Variants in TGM2 observed in about 807,000 individuals in gnomAD.
TGM2 encodes protein-glutamine gamma-glutamyltransferase 2.
A neutral mutation model predicts 75.6 loss-of-function variants in TGM2; 53 were observed. The ratio of observed to expected loss-of-function variants is 0.70; its 90% CI spans 0.56 to 0.88. TGM2 has a LOEUF of 0.88. TGM2 is among the 40% of genes least tolerant of loss of function. The pLI is 0.00. For synonymous variants in TGM2, 374 were observed against 381.1 expected (o/e 0.98, Z 0.22); for missense variants, 842 against 928.5 (o/e 0.91, Z 1.21).
chr20:38,164,378 AC>A (rs1300650807), intron 1 of TGM2, among the ~76,000 whole-genome samples: 2 of 152,152 alleles, frequency 1.3e-5, no homozygotes, highest in Admixed American at 1.3e-4. Flanking sequence ...TCCAGCAGTG[AC>A]ATCCTCCATT....
chr20:38,130,514 G>A, intron 12 of TGM2, 145 bp from the exon 13 acceptor site: 1 of 877,328 alleles, frequency 1.1e-6, no homozygotes, highest in Non-Finnish European at 1.7e-6. Context: ...TGCGGGGCCT[G>A]GACAATCTGC....
rs551595694 is a variant in TGM2, at chr20:38,151,782, A to G, written c.434-725T>C. Among the ~76,000 whole-genome samples the G allele has an allele frequency of 7.9e-5, 12 of 152,258 alleles. No homozygotes were observed. In the East Asian group the frequency reaches 2.3e-3, roughly 29 times the overall value. On this transcript the variant is annotated intron_variant, in intron 3 of 12. Coordinates refer to ENST00000361475, the MANE Select transcript of TGM2 (RefSeq NM_004613.4). ...TAAGTTTTAGAGAGTTGGAACCTGG[A>G]GGGTAGCATTCTAAGCAGAGGACCA...
intron 3 of TGM2, among the ~76,000 whole-genome samples, chr20:38,155,072 C>T (rs910186697): frequency 6.6e-6 from 1 of 152,170 alleles, no homozygotes; most frequent in Non-Finnish European, 1.5e-5. Flanking sequence ...TACCATTGCA[C>T]TCCAGCCCAG....
intron 2 of TGM2, among the ~76,000 whole-genome samples, chr20:38,161,058 G>A (rs570371816): frequency 1.3e-5 from 2 of 152,258 alleles, no homozygotes; most frequent in East Asian, 1.9e-4. Flanking sequence ...GCCCTCCTCA[G>A]CCTCCCAAAG....
chr20:38,165,089 T>C, intron 1 of TGM2, 100 bp downstream of exon 1: 1 of 1,578,650 alleles, frequency 6.3e-7, no homozygotes, highest in Non-Finnish European at 8.7e-7. Flanking sequence ...GTCTGCCTGT[T>C]GCTCTCCAAA....
At chr20:38,161,107 T>C (rs1415908250) in intron 2 of TGM2, among the ~76,000 whole-genome samples, 1 of 152,174 alleles carries the variant, frequency 6.6e-6, no homozygotes, top group Admixed American at 6.5e-5. Flanking sequence ...GCCCAGCCTG[T>C]GGATGGGATC....
Position 38,130,208 on chromosome 20 carries a change from G to A in TGM2, c.*11C>T, listed in dbSNP as rs767076956. The A allele has an allele frequency of 1.2e-5, 19 of 1,613,150 alleles. No homozygotes were observed. The East Asian group carries it at 3.3e-4, about 28-fold the overall frequency. ...GGTGGGGGCTCTCAGCAGGCTGGGAGCAGGGGTCCCTTAGGCGGGGCCAAT... is the reference window on the plus strand; with the variant it reads ...GGTGGGGGCTCTCAGCAGGCTGGGAACAGGGGTCCCTTAGGCGGGGCCAAT... On this transcript the variant is annotated 3_prime_UTR_variant, in exon 13 of 13. Transcript: ENST00000361475.
intron 6 of TGM2, chr20:38,146,463 G>GT: frequency 1.8e-6 from 1 of 570,860 alleles, no homozygotes; most frequent in Non-Finnish European, 3.1e-6. Flanking sequence ...TGAGAACGTG[G>GT]GCTCCAGTGC....
intron 10 of TGM2, among the ~76,000 whole-genome samples, chr20:38,134,437 G>A (rs1213863298): frequency 6.6e-6 from 1 of 152,220 alleles, no homozygotes; most frequent in Non-Finnish European, 1.5e-5. Flanking sequence ...TTATCCTCCG[G>A]GGGCTTGGAG....
chr20:38,165,060 C>A, intron 1 of TGM2, 129 bp downstream of exon 1: 1 of 1,351,292 alleles, frequency 7.4e-7, no homozygotes, highest in Admixed American at 1.8e-5. Flanking sequence ...AGCATTGAGA[C>A]GCCTCCTCAC....
intron 1 of TGM2, 94 bp from the exon 2 acceptor site, chr20:38,161,693 C>A (rs1399840667): frequency 7.0e-7 from 1 of 1,420,744 alleles, no homozygotes; most frequent in East Asian, 2.3e-5. Flanking sequence ...GCCTTGTGCC[C>A]TCTTACTCCC....
chr20:38,164,677 G>A (rs1380262302), intron 1 of TGM2, among the ~76,000 whole-genome samples: 2 of 152,154 alleles, frequency 1.3e-5, no homozygotes, highest in African/African-American at 2.4e-5. Flanking sequence ...CAGAACGTGA[G>A]GGCGGGAAGA....
intron 1 of TGM2, among the ~76,000 whole-genome samples, chr20:38,164,143 G>T (rs1040528681): frequency 4.6e-5 from 7 of 151,750 alleles, no homozygotes; most frequent in Admixed American, 3.3e-4. Flanking sequence ...ATGCATTGAG[G>T]ACAAGCGGCC....
rs141504024 is a variant in TGM2 at position 38,135,780 on chromosome 20, G to A, written c.1615+2333C>T. On this transcript the variant is annotated intron_variant, in intron 10 of 12. Transcript: ENST00000361475. ...GTTCAGGAAAGGTCCCGGGCTTCTC[G>A]CCTCCCCACGCCTCTTAGCACTCGC... Among the ~76,000 whole-genome samples, 1,136 of 152,186 alleles carry A rather than the reference G, an allele frequency of 7.5e-3. 14 individuals are homozygous for A. The highest frequency in any genetic ancestry group is 0.026 in the African/African-American group (1,067 of 41,506).
intron 2 of TGM2, among the ~76,000 whole-genome samples, chr20:38,158,165 G>A (rs964948682): frequency 4.6e-5 from 7 of 152,184 alleles, no homozygotes; most frequent in African/African-American, 1.4e-4. Flanking sequence ...CATCACTGTC[G>A]CTGTTGACAT....
chr20:38,161,632 G>A (rs753342677), intron 1 of TGM2, 33 bp from the exon 2 acceptor site: 7 of 1,613,598 alleles, frequency 4.3e-6, no homozygotes, highest in Non-Finnish European at 4.2e-6. Flanking sequence ...ATGAGCCTCG[G>A]GGGCATCCTT....
At chr20:38,149,548 G>A (rs1456118942) in intron 4 of TGM2, among the ~76,000 whole-genome samples, 1 of 151,882 alleles carries the variant, frequency 6.6e-6, no homozygotes, top group African/African-American at 2.4e-5. Flanking sequence ...GTGTGGTGGT[G>A]GGCGTCTGTA....
intron 10 of TGM2, 150 bp downstream of exon 10, chr20:38,137,963 A>G (rs1195078295): frequency 2.1e-6 from 3 of 1,440,892 alleles, no homozygotes; most frequent in African/African-American, 2.9e-5. Context: ...GTGGGTTGAT[A>G]TTTATAAAGT....
In TGM2 at chr20:38,146,841, G is replaced by A. The variant is rs549631360; in HGVS notation, c.735C>T (p.Tyr245=). 515 of 1,614,106 alleles carry A rather than the reference G, an allele frequency of 3.2e-4. 2 individuals carry two copies. The South Asian group carries it at 4.7e-3, about 15-fold the overall frequency. ...GVLLGRWDNN[Y]GDGVSPMSWI... is the part of the protein sequence containing the mutation. ...AGGACATGGGGCTGACGCCGTCCCC[G>A]TAGTTGTTGTCCCAGCGTCCCAGCA... is the stretch of plus-strand genomic sequence containing the variant. Residue 245 remains tyrosine (Y), a synonymous_variant, in exon 6 of 13, where the codon TAC becomes TAT. Coordinates refer to ENST00000361475, the MANE Select transcript of TGM2 (RefSeq NM_004613.4).
Sources: allele counts gnomAD v4.1 joint callset (sites outside exome capture counted in the v4.1 genomes callset), GRCh38; gene constraint gnomAD v4.1.1; transcripts MANE v1.5; gene names NCBI Gene and HGNC (gene_info 2026-07-23, HGNC 2026-07-21).